Variants in SLC35F4 observed in about 807,000 individuals in gnomAD.
SLC35F4 encodes the protein solute carrier family 35 member F4, also known as chromosome 14 open reading frame 36.
A neutral mutation model predicts 44.2 loss-of-function variants in SLC35F4; 24 were observed. That is an observed-to-expected ratio of 0.54 (90% confidence interval 0.39 to 0.76). The LOEUF is 0.76. Ranked by LOEUF, SLC35F4 falls within the 30% of genes least tolerant of loss-of-function variation. The pLI, the probability that SLC35F4 is intolerant of heterozygous loss-of-function variation, is 0.00. For synonymous variants in SLC35F4, 238 were observed against 223.6 expected (o/e 1.06, Z -0.57); for missense variants, 562 against 586.1 (o/e 0.96, Z 0.42).
chr14:57,966,108 T>C (rs998490701), intron 1 of SLC35F4, among the ~76,000 whole-genome samples: 9 of 151,984 alleles, frequency 5.9e-5, no homozygotes, highest in African/African-American at 1.9e-4. Context: ...TTTTAAAGAG[T>C]TCTTTCATGA....
At chr14:57,785,434 A>G (rs1189115010) in intron 1 of SLC35F4, among the ~76,000 whole-genome samples, 1 of 152,216 alleles carries the variant, frequency 6.6e-6, no homozygotes, top group Non-Finnish European at 1.5e-5. Context: ...AGGCAGGACT[A>G]CATTGCAGTT....
intron 1 of SLC35F4, among the ~76,000 whole-genome samples, chr14:57,620,562 A>C (rs954513483): frequency 1.3e-5 from 2 of 152,150 alleles, no homozygotes; most frequent in Non-Finnish European, 2.9e-5. Flanking sequence ...GAAAGGAACA[A>C]CCGGTACCAG....
At position 57,564,096 on chromosome 14, in the gene SLC35F4, C is replaced by T. The variant is rs1231927912; in HGVS notation, c.*39G>A. ...TAGTGAGAAAATTTTGTTATATTCA[C>T]AGAATATACATACACGTGCATTCAA... On this transcript the variant is annotated 3_prime_UTR_variant, in exon 8 of 8. Coordinates refer to ENST00000556826, the MANE Select transcript of SLC35F4 (RefSeq NM_001306087.2). 1.9e-6 allele frequency: 3 copies of T among 1,602,478 alleles called. No homozygotes were observed. Among genetic ancestry groups the T allele is most frequent in the South Asian group, 2.2e-5 (2 of 90,336 alleles).
At chr14:57,565,185 T>C (rs942739938) in intron 7 of SLC35F4, among the ~76,000 whole-genome samples, 5 of 152,244 alleles carry the variant, frequency 3.3e-5, no homozygotes, top group African/African-American at 9.6e-5. Flanking sequence ...ATAGGGCTAC[T>C]ATAAACATTT....
chr14:57,938,780 G>A (rs752263788), intron 1 of SLC35F4, among the ~76,000 whole-genome samples: 10 of 152,220 alleles, frequency 6.6e-5, no homozygotes, highest in African/African-American at 1.2e-4. Context: ...GCTTTTAGCC[G>A]CAAGACCCTA....
chr14:57,900,164 A>G (rs1380584493), intron 1 of SLC35F4, among the ~76,000 whole-genome samples: 2 of 152,020 alleles, frequency 1.3e-5, no homozygotes, highest in Non-Finnish European at 2.9e-5. Flanking sequence ...GCATTTTACA[A>G]TCCCATTGCT....
In SLC35F4 at chr14:57,931,208, C is replaced by T. The variant is rs530840435; in HGVS notation, n.282+50705G>A. 5.3e-5 allele frequency among the ~76,000 whole-genome samples: 8 copies of T among 152,302 alleles called. No individual in the cohort carries two copies. The South Asian group carries it at 1.2e-3, about 24-fold the overall frequency. On this transcript the variant is annotated intron_variant and non_coding_transcript_variant, in intron 1 of 1. Transcript: ENST00000556568. ...TCCCAGTCCAATGCCACTTCTAGTA[C>T]ACTTCATTAGTATCCAATTTCATGG...
chr14:57,925,549 G>A (rs1594629132), intron 1 of SLC35F4, among the ~76,000 whole-genome samples: 1 of 149,702 alleles, frequency 6.7e-6, no homozygotes. Context: ...GAGGGAGGAA[G>A]GAAGGAAGGA....
At chr14:57,678,147 G>A (rs1407297845) in intron 1 of SLC35F4, among the ~76,000 whole-genome samples, 1 of 152,100 alleles carries the variant, frequency 6.6e-6, no homozygotes, top group East Asian at 1.9e-4. Context: ...CCCACAAAGG[G>A]AAGCCTATCA....
chr14:57,581,488 T>TTAGA, intron 3 of SLC35F4, 55 bp from the exon 4 acceptor site: 1 of 1,479,926 alleles, frequency 6.8e-7, no homozygotes, highest in Non-Finnish European at 9.2e-7. Context: ...ACCTCTTGTC[T>TTAGA]TATCTGACTC....
chr14:57,881,873 T>C (rs1888541734), intron 1 of SLC35F4, among the ~76,000 whole-genome samples: 1 of 152,236 alleles, frequency 6.6e-6, no homozygotes, highest in South Asian at 2.1e-4. Flanking sequence ...GTTCATGATT[T>C]AGGAGTAATT....
At chr14:57,570,467 C>T (rs1056519972) in intron 5 of SLC35F4, among the ~76,000 whole-genome samples, 2 of 152,134 alleles carry the variant, frequency 1.3e-5, no homozygotes, top group East Asian at 3.9e-4. Context: ...TCTTTGTGAG[C>T]TCAAAATGAC....
In SLC35F4 at chr14:57,615,441, G is replaced by C. The variant is rs563027614; in HGVS notation, c.104-21317C>G. Among the ~76,000 whole-genome samples the C allele has an allele frequency of 1.3e-4, 19 of 151,988 alleles. No individual in the cohort carries two copies. The South Asian group carries it at 2.7e-3, about 22-fold the overall frequency. On this transcript the variant is annotated intron_variant, in intron 1 of 7. Transcript: ENST00000556826. ...GTATTTTCCAAGAGAAATTTCAATA[G>C]GTTATGTGATCAATTAAACTTATGT... is the stretch of plus-strand genomic sequence containing the variant.
intron 1 of SLC35F4, among the ~76,000 whole-genome samples, chr14:57,694,417 T>G (rs892917007): frequency 1.3e-5 from 2 of 152,208 alleles, no homozygotes; most frequent in African/African-American, 4.8e-5. Flanking sequence ...GCTTTTTTCA[T>G]TTTACATAAT....
intron 1 of SLC35F4, among the ~76,000 whole-genome samples, chr14:57,825,310 C>T (rs1042637901): frequency 6.6e-6 from 1 of 152,004 alleles, no homozygotes; most frequent in Non-Finnish European, 1.5e-5. Flanking sequence ...AATCATTTGG[C>T]TACATTAAAA....
At chr14:57,739,586 T>C (rs896230301) in intron 1 of SLC35F4, among the ~76,000 whole-genome samples, 1 of 152,196 alleles carries the variant, frequency 6.6e-6, no homozygotes, top group African/African-American at 2.4e-5. Context: ...CCAAGGATCC[T>C]CCCTTCCTGG....
intron 1 of SLC35F4, among the ~76,000 whole-genome samples, chr14:57,891,297 GTTT>G (rs1182174836): frequency 6.6e-6 from 1 of 152,150 alleles, no homozygotes; most frequent in Non-Finnish European, 1.5e-5. Flanking sequence ...GCCTGGCAGT[GTTT>G]TATGCAGTTA....
chr14:57,865,379 C>T (rs1344963307), intron 1 of SLC35F4, among the ~76,000 whole-genome samples: 2 of 152,102 alleles, frequency 1.3e-5, no homozygotes, highest in East Asian at 3.9e-4. Context: ...GCTAAGTGAA[C>T]AGCCATGTTA....
intron 1 of SLC35F4, among the ~76,000 whole-genome samples, chr14:57,715,417 A>G (rs1012468307): frequency 2.5e-4 from 38 of 152,224 alleles, no homozygotes; most frequent in African/African-American, 8.7e-4. Context: ...TCTTTTGGAC[A>G]ATAAATTATA....
Sources: allele counts gnomAD v4.1 joint callset (sites outside exome capture counted in the v4.1 genomes callset), GRCh38; gene constraint gnomAD v4.1.1; transcripts MANE v1.5; gene names NCBI Gene and HGNC (gene_info 2026-07-23, HGNC 2026-07-21).